TTC23L: variants seen among roughly 807,000 people sequenced by gnomAD.
The protein encoded by TTC23L is tetratricopeptide repeat domain 23 like, also known as tetratricopeptide repeat protein 23-like.
Under a neutral mutation model 48.1 loss-of-function variants are expected in TTC23L, and 42 were observed. The observed-to-expected ratio is 0.87, with a 90% CI of 0.68 to 1.13. The LOEUF (loss-of-function observed/expected upper bound fraction) is 1.13. TTC23L is among the 50% of genes most tolerant of loss of function. The probability of loss-of-function intolerance (pLI) is 0.00; values close to 1 mark genes in which losing one functional copy is unlikely to be tolerated. For missense variants in TTC23L, 391 were observed against 421.0 expected (o/e 0.93, Z 0.62); for synonymous variants, 159 against 157.2 (o/e 1.01, Z -0.09).
chr5:34,860,602 T>C (rs1449384065), intron 4 of TTC23L, among the ~76,000 whole-genome samples: 2 of 151,898 alleles, frequency 1.3e-5, no homozygotes, highest in African/African-American at 4.9e-5. Flanking sequence ...ACAGTGCAAT[T>C]TGAAGGCCAC....
chr5:34,888,443 C>T (rs1561156058), intron 9 of TTC23L: 1 of 983,258 alleles, frequency 1.0e-6, no homozygotes, highest in Admixed American at 6.1e-5. Flanking sequence ...TGTTGTTTCT[C>T]ACCTCACCTA....
chr5:34,908,946 T>G, the TTC23L span: 1 of 1,602,752 alleles, frequency 6.2e-7, no homozygotes, highest in Non-Finnish European at 8.5e-7. Flanking sequence ...GGAAATCTTG[T>G]ATCTGTAGAA....
the TTC23L span, among the ~76,000 whole-genome samples, chr5:34,904,946 T>C: frequency 1.3e-5 from 2 of 152,244 alleles, no homozygotes; most frequent in Non-Finnish European, 2.9e-5. Context: ...TGAGAGCCAC[T>C]ACTAGTATCT....
At chr5:34,923,876 A>T in the TTC23L span, among the ~76,000 whole-genome samples, 1 of 152,204 alleles carries the variant, frequency 6.6e-6, no homozygotes, top group East Asian at 1.9e-4. Context: ...CATGACTGTT[A>T]GTTGATACAG....
intron 9 of TTC23L, among the ~76,000 whole-genome samples, chr5:34,884,318 T>A (rs1429398921): frequency 6.6e-6 from 1 of 152,208 alleles, no homozygotes; most frequent in African/African-American, 2.4e-5. Flanking sequence ...TACTTAATGG[T>A]GAAAAACTGA....
the TTC23L span, chr5:34,916,068 C>T: frequency 2.8e-5 from 20 of 717,478 alleles, no homozygotes; most frequent in African/African-American, 2.2e-4. Context: ...GCAGCTAATC[C>T]TTGTGCACGT....
chr5:34,875,440 T>C (rs1761767809), intron 8 of TTC23L, among the ~76,000 whole-genome samples: 1 of 152,150 alleles, frequency 6.6e-6, no homozygotes, highest in South Asian at 2.1e-4. Context: ...AGTCTGATGT[T>C]TGGGGGTAGG....
the TTC23L span, chr5:34,914,944 C>T: frequency 1.3e-6 from 2 of 1,595,914 alleles, no homozygotes; most frequent in Non-Finnish European, 8.6e-7. Context: ...AACAACTTCT[C>T]GGCGGATCGC....
exon 10 of TTC23L, chr5:34,896,799 G>T (rs766063455): frequency 2.6e-6 from 2 of 761,668 alleles, no homozygotes; most frequent in Non-Finnish European, 2.4e-6. Flanking sequence ...AGATGGAGAA[G>T]AGAAGCCATT....
rs143053939 is a variant in TTC23L, at chr5:34,845,643, G to T, written c.225G>T (p.Lys75Asn). ...AAGAGAAATTAGCCCAATCCCAGAAGAAAGTAGCTCAGCTGATTAAGGAAA... is the reference window on the plus strand; with the variant it reads ...AAGAGAAATTAGCCCAATCCCAGAATAAAGTAGCTCAGCTGATTAAGGAAA... Residue 75 changes from lysine (K) to asparagine (N), a missense_variant, in exon 3 of 11, where the codon AAG (lysine) becomes AAT (asparagine). Physicochemically the swap from Lys to Asn is moderately conservative, Grantham distance 94. Transcript: ENST00000505624. The T allele has an allele frequency of 1.1e-4, 184 of 1,612,452 alleles. 1 individual carries two copies. The Admixed American group carries it at 2.3e-3, about 20-fold the overall frequency.
At chr5:34,846,134 G>A (rs528303742) in intron 3 of TTC23L, among the ~76,000 whole-genome samples, 8 of 152,230 alleles carry the variant, frequency 5.3e-5, no homozygotes, top group African/African-American at 1.7e-4. Flanking sequence ...CAGGGAGCCC[G>A]TGATTGTGCA....
chr5:34,919,854 C>A, the TTC23L span: 9 of 1,151,504 alleles, frequency 7.8e-6, no homozygotes, highest in East Asian at 1.6e-4. Context: ...TAAAATGGAT[C>A]GTAAGGATAA....
chr5:34,894,772 T>C (rs1763093037), intron 9 of TTC23L, among the ~76,000 whole-genome samples: 1 of 152,142 alleles, frequency 6.6e-6, no homozygotes, highest in Non-Finnish European at 1.5e-5. Flanking sequence ...ATGATAATAA[T>C]ATAATATCTA....
chr5:34,913,550 T>C, the TTC23L span: 1 of 1,599,966 alleles, frequency 6.3e-7, no homozygotes, highest in African/African-American at 1.3e-5. Context: ...AGACTCTTCC[T>C]GAACTTTAAA....
intron 1 of TTC23L, chr5:34,839,604 T>A: frequency 2.0e-6 from 2 of 984,830 alleles, no homozygotes; most frequent in Middle Eastern, 1.0e-3. Context: ...AAAAGAGAAA[T>A]TAGTGACTCT....
At chr5:34,890,483 A>G (rs774172964) in intron 9 of TTC23L, among the ~76,000 whole-genome samples, 44 of 149,804 alleles carry the variant, frequency 2.9e-4, no homozygotes, top group Non-Finnish European at 5.3e-4. Context: ...TATTTTGTTC[A>G]TAAGATAGCT....
rs1554017310 is a variant in TTC23L at position 34,846,576 on chromosome 5, AAT to A, written c.255+927_255+928del. Reference sequence around the variant, plus strand: ...GACTCTGTCTCAAAAAAAAAAAAAAAATATATATATATATATATATATATACA... The same window carrying A: ...GACTCTGTCTCAAAAAAAAAAAAAAAATATATATATATATATATATATACA... On this transcript the variant is annotated intron_variant, in intron 3 of 10. Transcript: ENST00000505624. Among the ~76,000 whole-genome samples, 21 of 98,312 alleles carry A rather than the reference AAT, an allele frequency of 2.1e-4. 1 individual carries two copies. Among genetic ancestry groups the A allele is most frequent in the East Asian group, 1.6e-3 (7 of 4,464 alleles). The allele number at this position is 98,312 out of a possible 152,430, so 64.5% of individuals were successfully genotyped here.
At chr5:34,867,339 A>G (rs1385780372) in intron 7 of TTC23L, 2 of 466,334 alleles carry the variant, frequency 4.3e-6, no homozygotes, top group East Asian at 7.4e-5. Context: ...TTGGTGCTGT[A>G]AAAAAGAAGC....
At chr5:34,879,004 T>C (rs932472315) in intron 8 of TTC23L, among the ~76,000 whole-genome samples, 10 of 152,234 alleles carry the variant, frequency 6.6e-5, no homozygotes, top group Non-Finnish European at 1.5e-4. Flanking sequence ...AATAGAATAC[T>C]ATTCAGTCAT....
Sources: gnomAD v4.1 joint callset for allele counts (sites outside exome capture counted in the v4.1 genomes callset) on GRCh38, gnomAD v4.1.1 for gene constraint, MANE v1.5 for transcripts, NCBI Gene and HGNC (gene_info 2026-07-23, HGNC 2026-07-21) for gene names.